The following RBM38 variants were observed in gnomAD, a reference collection of about 807,000 sequenced individuals.
The protein encoded by RBM38 is RNA binding motif protein 38, also known as RNA-binding protein 38.
In RBM38, 11 loss-of-function variants were observed where a neutral mutation model predicts 23.5. The ratio of observed to expected loss-of-function variants is 0.47; its 90% CI spans 0.29 to 0.77. The LOEUF is 0.77. Among genes scored for constraint, RBM38 ranks in the 30% least tolerant of loss-of-function variants. RBM38 has a pLI of 0.08. For synonymous variants in RBM38, 165 were observed against 166.1 expected, an observed-to-expected ratio of 0.99 and a Z score of 0.05; for missense variants, 330 against 351.9, an observed-to-expected ratio of 0.94 and a Z score of 0.50.
At chr20:57,391,934 G>A in intron 1 of RBM38, 116 bp downstream of exon 1, 1 of 686,670 alleles carries the variant, frequency 1.5e-6, no homozygotes. Flanking sequence ...CGCCCCAGGC[G>A]CCTCCAGCCG....
intron 3 of RBM38, 86 bp downstream of exon 3, chr20:57,393,419 G>A (rs2067241667): frequency 1.5e-6 from 2 of 1,371,060 alleles, no homozygotes; most frequent in African/African-American, 1.4e-5. Context: ...GGAAGGCTGG[G>A]GAAATGACAG....
At chr20:57,391,855 C>T (rs2067219262) in intron 1 of RBM38, 37 bp downstream of exon 1, 1 of 1,443,508 alleles carries the variant, frequency 6.9e-7, no homozygotes, top group Non-Finnish European at 9.3e-7. Flanking sequence ...CACCCCGCCG[C>T]ACACCTTATC....
intron 3 of RBM38, among the ~76,000 whole-genome samples, chr20:57,394,829 G>T (rs2067258123): frequency 1.3e-5 from 2 of 152,182 alleles, no homozygotes; most frequent in Admixed American, 6.5e-5. Context: ...GGGAGCAGCT[G>T]CCCAGAGGTG....
intron 3 of RBM38, among the ~76,000 whole-genome samples, chr20:57,402,731 GC>G (rs1235920605): frequency 6.6e-6 from 1 of 152,250 alleles, no homozygotes; most frequent in African/African-American, 2.4e-5. Flanking sequence ...GGGCGGGGCC[GC>G]CCTTGGACAG....
intron 3 of RBM38, among the ~76,000 whole-genome samples, chr20:57,402,039 C>G (rs2067333372): frequency 6.6e-6 from 1 of 152,154 alleles, no homozygotes; most frequent in South Asian, 2.1e-4. Context: ...CCTCCGCCTC[C>G]CGGGTTCAAG....
At chr20:57,396,624 G>A (rs2067277163) in intron 3 of RBM38, among the ~76,000 whole-genome samples, 1 of 152,210 alleles carries the variant, frequency 6.6e-6, no homozygotes, top group South Asian at 2.1e-4. Context: ...CGTTCACAGA[G>A]TGCCTCATAT....
chr20:57,391,715 C>G lies in RBM38; in HGVS notation c.134C>G (p.Thr45Ser). ...TTCGTGGGCGGCCTGCCGTACCACA[C>G]TACCGACGCCTCGCTCAGGAAGTAC... ...KIFVGGLPYH[T>S]TDASLRKYFE... is the part of the protein sequence containing the mutation. Residue 45 changes from threonine (T) to serine (S), a missense_variant, in exon 1 of 4, where the codon ACT becomes AGT. Physicochemically the swap from Thr to Ser is moderately conservative, Grantham distance 58. Coordinates refer to ENST00000356208, the MANE Select transcript of RBM38 (RefSeq NM_017495.6). 2.0e-6 allele frequency: 3 copies of G among 1,535,866 alleles called. No individual in the cohort carries two copies. Among genetic ancestry groups the G allele is most frequent in the Non-Finnish European group, 2.6e-6 (3 of 1,139,964 alleles).
intron 1 of RBM38, chr20:57,392,169 C>A (rs1967312435): frequency 3.3e-6 from 1 of 300,610 alleles, no homozygotes; most frequent in Non-Finnish European, 6.5e-6. Context: ...GGCTCCACCC[C>A]GGGGTGTTAG....
At chr20:57,393,805 T>C (rs1437728288) in intron 3 of RBM38, among the ~76,000 whole-genome samples, 1 of 152,184 alleles carries the variant, frequency 6.6e-6, no homozygotes, top group Non-Finnish European at 1.5e-5. Flanking sequence ...GTCTGATGTT[T>C]GTGAACGTTG....
intron 3 of RBM38, among the ~76,000 whole-genome samples, chr20:57,395,103 C>T (rs1163809263): frequency 6.6e-6 from 1 of 152,206 alleles, no homozygotes; most frequent in African/African-American, 2.4e-5. Flanking sequence ...GGGCTGGGTG[C>T]TCTGGCCTCC....
intron 3 of RBM38, among the ~76,000 whole-genome samples, chr20:57,406,993 CA>C (rs573363075): frequency 0.027 from 2,027 of 76,094 alleles, 36 homozygotes; most frequent in African/African-American, 0.072. Context: ...GACTCTGTCT[CA>C]AAAAAAAAAA....
At chr20:57,396,088 G>A (rs1015312272) in intron 3 of RBM38, among the ~76,000 whole-genome samples, 2 of 152,228 alleles carry the variant, frequency 1.3e-5, no homozygotes, top group East Asian at 1.9e-4. Context: ...AATCTTCTTC[G>A]CCTGGCTGGG....
chr20:57,392,649 A>T lies in RBM38; in HGVS notation c.238-5A>T. 3 of 1,610,460 alleles carry T rather than the reference A, an allele frequency of 1.9e-6. No homozygotes were observed. Among genetic ancestry groups the T allele is most frequent in the Non-Finnish European group, 2.5e-6 (3 of 1,178,942 alleles). On this transcript the variant is annotated splice_polypyrimidine_tract_variant and splice_region_variant and intron_variant, in intron 1 of 3. Coordinates refer to ENST00000356208, the MANE Select transcript of RBM38 (RefSeq NM_017495.6). ...GCAGCCCCTGATGTGTCTCTGCTCC[A>T]CCAGGTGACCATGGCCGACCGGGCG...
At position 57,396,168 on chromosome 20, in the gene RBM38, G is replaced by A. The variant is rs376500278; in HGVS notation, c.416+2835G>A. Reference sequence around the variant, plus strand: ...TTATGCTATTTGCCGGAGTTTCCTTGCCTCTTTTCCTTTTTTTAAGTTGAA... The same window carrying A: ...TTATGCTATTTGCCGGAGTTTCCTTACCTCTTTTCCTTTTTTTAAGTTGAA... On this transcript the variant is annotated intron_variant, in intron 3 of 3. Coordinates refer to ENST00000356208, the MANE Select transcript of RBM38 (RefSeq NM_017495.6). 2.0e-5 allele frequency among the ~76,000 whole-genome samples: 3 copies of A among 152,302 alleles called. No individual in the cohort carries two copies. The East Asian group carries it at 5.8e-4, about 29-fold the overall frequency.
At position 57,407,663 on chromosome 20, in the gene RBM38, C is replaced by A; in HGVS notation, c.537C>A (p.Tyr179Ter). Reference protein sequence around the residue: ...YIEYTPASPAYAQYPPATYDQ... With the variant: ...YIEYTPASPA ...AGTACACGCCGGCCAGCCCGGCCTA[C>A]GCCCAGTACCCACCGGCCACCTATG... is the stretch of plus-strand genomic sequence containing the variant. The change falls in exon 4 of 4, where the codon TAC (tyrosine) becomes TAA (stop). Residue 179 changes from tyrosine (Y) to a stop codon, truncating the protein, a stop_gained. Transcript: ENST00000356208. LOFTEE classifies it high-confidence loss of function. The surrounding 1 kb of genome is among the most constrained non-coding windows in gnomAD (Gnocchi z 4.0). 6.2e-7 allele frequency: 1 copy of A among 1,613,006 alleles called. No homozygotes were observed. The highest frequency in any genetic ancestry group is 8.5e-7 in the Non-Finnish European group (1 of 1,179,802).
chr20:57,408,003 G>A lies in RBM38; in HGVS notation c.*157G>A. 1 of 834,746 alleles carries A rather than the reference G, an allele frequency of 1.2e-6. No individual in the cohort carries two copies. The highest frequency in any genetic ancestry group is 1.8e-6 in the Non-Finnish European group (1 of 549,244). The allele number at this position is 834,746 out of a possible 1,614,324, so 51.7% of individuals were successfully genotyped here. A position where few individuals can be genotyped will look rare whatever the true frequency, so the allele number is the denominator to read the frequency against. On this transcript the variant is annotated 3_prime_UTR_variant, in exon 4 of 4. Transcript: ENST00000356208. ...GCTCGGGCATTCCGCCTGCGCCCTG[G>A]GACAGCGGAGAGACGGCTTCTCTTT... is the stretch of plus-strand genomic sequence containing the variant.
chr20:57,393,120 C>A, intron 2 of RBM38, 159 bp from the exon 3 acceptor site: 1 of 751,084 alleles, frequency 1.3e-6, no homozygotes, highest in Non-Finnish European at 2.3e-6. Context: ...CAGCGGTGTG[C>A]CTTGGGGTTC....
chr20:57,396,163 T>G (rs1202681239), intron 3 of RBM38, among the ~76,000 whole-genome samples: 1 of 152,234 alleles, frequency 6.6e-6, no homozygotes, highest in African/African-American at 2.4e-5. Context: ...TGCCGGAGTT[T>G]CCTTGCCTCT....
chr20:57,404,125 C>T (rs1046601292), intron 3 of RBM38, among the ~76,000 whole-genome samples: 1 of 152,212 alleles, frequency 6.6e-6, no homozygotes, highest in Admixed American at 6.5e-5. Flanking sequence ...CGCTCTGGCC[C>T]CGATGATGTG....
Sources: gnomAD v4.1 joint callset for allele counts (sites outside exome capture counted in the v4.1 genomes callset) on GRCh38, gnomAD v4.1.1 for gene constraint, Gnocchi (gnomAD v3.1) non-coding constraint, MANE v1.5 for transcripts, NCBI Gene and HGNC (gene_info 2026-07-23, HGNC 2026-07-21) for gene names.